INSYN2A: variants seen among roughly 807,000 people sequenced by gnomAD.
The protein encoded by INSYN2A is inhibitory synaptic factor 2A.
A neutral mutation model predicts 39.4 loss-of-function variants in INSYN2A; 17 were observed. The observed-to-expected ratio is 0.43, with a 90% CI of 0.30 to 0.65. INSYN2A has a LOEUF of 0.65. Ranked by LOEUF, INSYN2A falls within the 30% of genes least tolerant of loss-of-function variation. INSYN2A has a pLI of 0.14. For missense variants in INSYN2A, 595 were observed against 631.2 expected (o/e 0.94, Z 0.61); for synonymous variants, 255 against 265.7 (o/e 0.96, Z 0.39).
intron 4 of INSYN2A, among the ~76,000 whole-genome samples, chr10:127,169,904 G>A (rs1412563688): frequency 6.6e-6 from 1 of 152,018 alleles, no homozygotes; most frequent in African/African-American, 2.4e-5. Context: ...GTATTAACTC[G>A]TTCCATCCCT....
chr10:127,173,283 G>A (rs1325066956), intron 4 of INSYN2A, among the ~76,000 whole-genome samples: 1 of 152,144 alleles, frequency 6.6e-6, no homozygotes, highest in African/African-American at 2.4e-5. Flanking sequence ...TACAGGTGAA[G>A]AAAGAAGGCA....
intron 4 of INSYN2A, among the ~76,000 whole-genome samples, chr10:127,164,635 C>G (rs1426547678): frequency 6.6e-6 from 1 of 152,210 alleles, no homozygotes; most frequent in Admixed American, 6.5e-5. Flanking sequence ...CAGATTTGGA[C>G]AGGGACAAAT....
intron 4 of INSYN2A, among the ~76,000 whole-genome samples, chr10:127,170,172 C>T (rs534588810): frequency 6.6e-6 from 1 of 152,208 alleles, no homozygotes; most frequent in African/African-American, 2.4e-5. Context: ...GCCACCCTTC[C>T]TGCAAGGTAC....
At position 127,154,000 on chromosome 10, in the gene INSYN2A, A is replaced by C. The variant is rs1258147567; in HGVS notation, c.1185-77T>G. ...CTTTATAGAGCAGATGCCTCAAATC[A>C]AATGCCTTCCCAATGCCAAGCTCAT... On this transcript the variant is annotated intron_variant, in intron 4 of 5. Coordinates refer to ENST00000522781, the MANE Select transcript of INSYN2A (RefSeq NM_001039762.3). The C allele has an allele frequency of 2.0e-5, 21 of 1,028,506 alleles. 1 individual carries two copies. The highest frequency in any genetic ancestry group is 1.9e-4 in the South Asian group (15 of 77,898). 63.7% of individuals were successfully genotyped at this position (1,028,506 alleles called of 1,614,324 possible).
chr10:127,143,637 C>G (rs1021000711), intron 5 of INSYN2A, among the ~76,000 whole-genome samples: 1 of 152,166 alleles, frequency 6.6e-6, no homozygotes, highest in Admixed American at 6.5e-5. Context: ...CTGACATTGG[C>G]GCCAACTTGG....
intron 4 of INSYN2A, among the ~76,000 whole-genome samples, chr10:127,161,037 G>T (rs1001103130): frequency 6.6e-6 from 1 of 152,162 alleles, no homozygotes; most frequent in East Asian, 1.9e-4. Context: ...TAAAGGCACT[G>T]TTTTCAGTGA....
chr10:127,167,643 A>G (rs2054197766), intron 4 of INSYN2A, among the ~76,000 whole-genome samples: 1 of 152,094 alleles, frequency 6.6e-6, no homozygotes, highest in African/African-American at 2.4e-5. Context: ...TGTTCCTTTC[A>G]TATCAAAAAA....
intron 5 of INSYN2A, among the ~76,000 whole-genome samples, chr10:127,141,485 T>C (rs1022746568): frequency 2.0e-5 from 3 of 152,066 alleles, no homozygotes; most frequent in Non-Finnish European, 4.4e-5. Flanking sequence ...GGCGGATCAC[T>C]TGAGATCAGG....
intron 4 of INSYN2A, among the ~76,000 whole-genome samples, chr10:127,159,727 T>C (rs2053419386): frequency 6.6e-6 from 1 of 152,110 alleles, no homozygotes; most frequent in Admixed American, 6.5e-5. Context: ...GGGTAGACAT[T>C]TGAAAAGAAA....
intron 2 of INSYN2A, among the ~76,000 whole-genome samples, chr10:127,177,606 C>T (rs1391954513): frequency 6.6e-6 from 1 of 152,172 alleles, no homozygotes; most frequent in Non-Finnish European, 1.5e-5. Flanking sequence ...GGACATGGGC[C>T]CGTGAGAGCT....
chr10:127,188,110 T>G (rs925992724), intron 2 of INSYN2A, among the ~76,000 whole-genome samples: 1 of 152,166 alleles, frequency 6.6e-6, no homozygotes, highest in Non-Finnish European at 1.5e-5. Flanking sequence ...CATTTTTTTC[T>G]AGAATGAACC....
intron 5 of INSYN2A, chr10:127,145,959 T>C: frequency 1.9e-6 from 1 of 513,472 alleles, no homozygotes; most frequent in Non-Finnish European, 3.9e-6. Flanking sequence ...AAGACGCCTA[T>C]CTGTGAGGAA....
intron 5 of INSYN2A, among the ~76,000 whole-genome samples, chr10:127,153,241 A>C (rs1339766382): frequency 1.3e-5 from 2 of 152,228 alleles, no homozygotes; most frequent in African/African-American, 4.8e-5. Flanking sequence ...TATATCTTAA[A>C]ATCCTAAATT....
chr10:127,189,278 A>G (rs1258123037), intron 2 of INSYN2A, among the ~76,000 whole-genome samples: 1 of 152,242 alleles, frequency 6.6e-6, no homozygotes, highest in African/African-American at 2.4e-5. Flanking sequence ...TGATGCTTCC[A>G]TGTGGAATTA....
intron 4 of INSYN2A, among the ~76,000 whole-genome samples, chr10:127,159,283 A>G (rs1737716655): frequency 1.3e-5 from 2 of 152,192 alleles, no homozygotes; most frequent in East Asian, 1.9e-4. Context: ...CTTGGCTTAC[A>G]GAACACAGCG....
At chr10:127,177,247 T>C (rs190056327) in intron 2 of INSYN2A, 108 bp from the exon 3 acceptor site, 1 of 152,334 alleles carries the variant, frequency 6.6e-6, no homozygotes, top group Admixed American at 6.5e-5. Flanking sequence ...ACTTAAATTC[T>C]GAAAGCAAAT....
chr10:127,190,679 C>T (rs561907655), intron 2 of INSYN2A, among the ~76,000 whole-genome samples: 5 of 63,486 alleles, frequency 7.9e-5, no homozygotes, highest in African/African-American at 2.2e-4. Flanking sequence ...CCCCCCCCCC[C>T]CCCCGTTCCT....
chr10:127,187,601 G>C (rs1196716159), intron 2 of INSYN2A, among the ~76,000 whole-genome samples: 3 of 152,054 alleles, frequency 2.0e-5, no homozygotes, highest in African/African-American at 4.8e-5. Flanking sequence ...GGGGGTGGCT[G>C]TCCTCCTACA....
At chr10:127,185,653 A>G (rs993728863) in intron 2 of INSYN2A, among the ~76,000 whole-genome samples, 4 of 152,224 alleles carry the variant, frequency 2.6e-5, no homozygotes, top group East Asian at 3.9e-4. Flanking sequence ...ACCTGGCTGT[A>G]TAATGAAACA....
Sources: allele counts gnomAD v4.1 joint callset (sites outside exome capture counted in the v4.1 genomes callset), GRCh38; gene constraint gnomAD v4.1.1; transcripts MANE v1.5; gene names NCBI Gene and HGNC (gene_info 2026-07-23, HGNC 2026-07-21).